Variants in CA10 observed in about 807,000 individuals in gnomAD.
The protein encoded by CA10 is carbonic anhydrase-related protein 10.
In CA10, 14 loss-of-function variants were observed where a neutral mutation model predicts 44.2. That is an observed-to-expected ratio of 0.32 (90% confidence interval 0.21 to 0.50). The LOEUF (loss-of-function observed/expected upper bound fraction) is 0.50, where lower values mean the gene tolerates loss of function less well. Ranked by LOEUF, CA10 falls within the 20% of genes least tolerant of loss-of-function variation. The pLI is 0.99. For synonymous variants in CA10, 159 were observed against 141.6 expected, an observed-to-expected ratio of 1.12 and a Z score of -0.87; for missense variants, 350 against 409.7, an observed-to-expected ratio of 0.85 and a Z score of 1.26.
chr17:51,717,541 ATATATATAT>A (rs1390872595), intron 4 of CA10, among the ~76,000 whole-genome samples: 1 of 136,536 alleles, frequency 7.3e-6, no homozygotes, highest in Non-Finnish European at 1.6e-5. Flanking sequence ...ATATATATAT[ATATATATAT>A]ATATATATAT....
intron 3 of CA10, among the ~76,000 whole-genome samples, chr17:51,827,591 TAC>T (rs1044172816): frequency 6.6e-5 from 10 of 152,356 alleles, no homozygotes; most frequent in African/African-American, 2.4e-4. Context: ...GCTAACAGCA[TAC>T]ACAGTGTCTA....
intron 3 of CA10, among the ~76,000 whole-genome samples, chr17:51,824,999 T>C (rs1907952969): frequency 6.6e-6 from 1 of 152,238 alleles, no homozygotes; most frequent in Non-Finnish European, 1.5e-5. Context: ...TTTCGGATCA[T>C]TTTGTTGCAT....
intron 3 of CA10, among the ~76,000 whole-genome samples, chr17:51,794,171 T>C (rs1906624894): frequency 6.6e-6 from 1 of 152,366 alleles, no homozygotes; most frequent in African/African-American, 2.4e-5. Flanking sequence ...ATTTCTTGAA[T>C]ATCACAAGAG....
chr17:52,158,078 C>G lies in CA10; in HGVS notation c.-292G>C. Reference sequence around the variant, plus strand: ...CGCTCGCGTGTCTCTTCTCTTCGCACCAGCGGCGGAAACCGCACTAGCAGC... The same window carrying G: ...CGCTCGCGTGTCTCTTCTCTTCGCAGCAGCGGCGGAAACCGCACTAGCAGC... On this transcript the variant is annotated 5_prime_UTR_variant, in exon 1 of 9. Transcript: ENST00000451037. 1.9e-6 allele frequency: 1 copy of G among 520,736 alleles called. No individual in the cohort carries two copies. Among genetic ancestry groups the G allele is most frequent in the Non-Finnish European group, 3.4e-6 (1 of 290,856 alleles). 32.3% of individuals were successfully genotyped at this position (520,736 alleles called of 1,614,324 possible).
intron 3 of CA10, among the ~76,000 whole-genome samples, chr17:51,820,673 C>A (rs1189985577): frequency 3.3e-5 from 5 of 151,998 alleles, no homozygotes; most frequent in African/African-American, 1.2e-4. Context: ...ACTCCCGATT[C>A]TGTTATCTAT....
At chr17:51,739,869 T>C (rs1052109747) in intron 4 of CA10, among the ~76,000 whole-genome samples, 1 of 152,174 alleles carries the variant, frequency 6.6e-6, no homozygotes, top group African/African-American at 2.4e-5. Flanking sequence ...AGAAATTTGA[T>C]GTCTAGCATT....
chr17:51,760,034 C>T (rs1905176687), intron 3 of CA10, among the ~76,000 whole-genome samples: 1 of 152,158 alleles, frequency 6.6e-6, no homozygotes, highest in Non-Finnish European at 1.5e-5. Context: ...TTAATTCAAT[C>T]CCTGATTCAC....
intron 2 of CA10, among the ~76,000 whole-genome samples, chr17:51,936,810 TA>T (rs1982887359): frequency 6.6e-6 from 1 of 152,132 alleles, no homozygotes; most frequent in Non-Finnish European, 1.5e-5. Context: ...ATCCTTGAAG[TA>T]GTTTGAATGG....
chr17:51,952,736 C>T (rs1452664510), intron 2 of CA10, among the ~76,000 whole-genome samples: 1 of 152,104 alleles, frequency 6.6e-6, no homozygotes, highest in African/African-American at 2.4e-5. Flanking sequence ...GGTTACCTGT[C>T]AGCAATAGCA....
At chr17:52,125,312 G>T (rs1290964866) in intron 1 of CA10, among the ~76,000 whole-genome samples, 1 of 152,160 alleles carries the variant, frequency 6.6e-6, no homozygotes, top group South Asian at 2.1e-4. Context: ...TTACTTAAGG[G>T]TGTATATCCA....
intron 3 of CA10, among the ~76,000 whole-genome samples, chr17:51,908,555 CA>C (rs1197422709): frequency 1.3e-5 from 2 of 152,054 alleles, no homozygotes; most frequent in Non-Finnish European, 1.5e-5. Context: ...CCTCTGACAG[CA>C]TTCAACTCCA....
rs1378975817 is a variant in CA10 at position 51,991,966 on chromosome 17, G to A, written c.137-60834C>T. On this transcript the variant is annotated intron_variant, in intron 2 of 8. Coordinates refer to ENST00000451037, the MANE Select transcript of CA10 (RefSeq NM_020178.5). Reference sequence around the variant, plus strand: ...ACCTTATTCACTTAACTGCAAATTGGGCACTGTTCCTTTGTTTTTATTACA... The same window carrying A: ...ACCTTATTCACTTAACTGCAAATTGAGCACTGTTCCTTTGTTTTTATTACA... 3.3e-5 allele frequency among the ~76,000 whole-genome samples: 5 copies of A among 151,866 alleles called. No individual in the cohort carries two copies. In the South Asian group the frequency reaches 8.3e-4, roughly 25 times the overall value.
intron 3 of CA10, among the ~76,000 whole-genome samples, chr17:51,930,656 G>C (rs902633311): frequency 6.6e-6 from 1 of 152,102 alleles, no homozygotes; most frequent in South Asian, 2.1e-4. Flanking sequence ...AGAAGGCCTA[G>C]TAAAGCAGTT....
At chr17:51,815,399 A>C (rs1158644896) in intron 3 of CA10, among the ~76,000 whole-genome samples, 1 of 152,150 alleles carries the variant, frequency 6.6e-6, no homozygotes, top group Non-Finnish European at 1.5e-5. Context: ...TCAGTGTTCA[A>C]GCCCTGCTTC....
At chr17:51,667,482 G>T (rs1914251755) in intron 4 of CA10, among the ~76,000 whole-genome samples, 1 of 152,074 alleles carries the variant, frequency 6.6e-6, no homozygotes, top group Non-Finnish European at 1.5e-5. Flanking sequence ...CAGATGGAGG[G>T]CTGTGGCTAG....
chr17:51,849,247 A>G (rs866554359), intron 3 of CA10, among the ~76,000 whole-genome samples: 36 of 131,240 alleles, frequency 2.7e-4, no homozygotes, highest in African/African-American at 9.0e-4. Flanking sequence ...ATATATATAT[A>G]TATATATATA....
chr17:51,783,478 CAA>C (rs2143682151), intron 3 of CA10, among the ~76,000 whole-genome samples: 1 of 152,332 alleles, frequency 6.6e-6, no homozygotes, highest in East Asian at 1.9e-4. Flanking sequence ...CCAGCAAGGT[CAA>C]GTCGCTTTCC....
At chr17:51,704,618 T>C (rs548989910) in intron 4 of CA10, among the ~76,000 whole-genome samples, 1 of 152,348 alleles carries the variant, frequency 6.6e-6, no homozygotes, top group South Asian at 2.1e-4. Context: ...TCTGTCCACC[T>C]TGCCCATCCA....
chr17:51,697,466 T>A (rs1915440594), intron 4 of CA10, among the ~76,000 whole-genome samples: 1 of 152,240 alleles, frequency 6.6e-6, no homozygotes, highest in African/African-American at 2.4e-5. Context: ...GTCTTGGCTC[T>A]CATGTCCCCT....
Sources: allele counts gnomAD v4.1 joint callset (sites outside exome capture counted in the v4.1 genomes callset), GRCh38; gene constraint gnomAD v4.1.1; transcripts MANE v1.5; gene names NCBI Gene and HGNC (gene_info 2026-07-23, HGNC 2026-07-21).